Variants in RPS21 observed in about 807,000 individuals in gnomAD.
The protein encoded by RPS21 is small ribosomal subunit protein eS21.
RPS21 carries 6 observed loss-of-function variants against 14.5 expected under a neutral mutation model. The observed-to-expected ratio is 0.41, with a 90% CI of 0.23 to 0.82. The LOEUF (loss-of-function observed/expected upper bound fraction) is 0.82, where lower values mean the gene tolerates loss of function less well. Among genes scored for constraint, RPS21 ranks in the 40% least tolerant of loss-of-function variants. The probability of loss-of-function intolerance (pLI) is 0.31; values close to 1 mark genes in which losing one functional copy is unlikely to be tolerated. For missense variants in RPS21, 85 were observed against 115.0 expected (o/e 0.74, Z 1.19); for synonymous variants, 61 against 42.6 (o/e 1.43, Z -1.69).
At position 62,387,138 on chromosome 20, in the gene RPS21, TGTGGCGCGCGGCGCGGGCTTC is replaced by T. The variant is rs1987756008; in HGVS notation, c.-19+4_-19+24del. On this transcript the variant is annotated splice_donor_5th_base_variant and intron_variant, in intron 1 of 5. Transcript: ENST00000343986. Reference sequence around the variant, plus strand: ...TCGCGCGCGGTGTGGTGGCAGCAGGTGTGGCGCGCGGCGCGGGCTTCGGGCTCAGGGCTGGGGCTGGGGCGG... The same window carrying T: ...TCGCGCGCGGTGTGGTGGCAGCAGGTGGGCTCAGGGCTGGGGCTGGGGCGG... The T allele has an allele frequency of 2.0e-6, 1 of 492,590 alleles. No homozygotes were observed. The highest frequency in any genetic ancestry group is 3.0e-5 in the South Asian group (1 of 33,638). 30.5% of individuals were successfully genotyped at this position (492,590 alleles called of 1,614,324 possible).
chr20:62,387,863 G>C lies in RPS21; in HGVS notation c.135G>C (p.Arg45Ser). ...NVAEVDKVTG[R>S]FNGQFKTYAI... ...TCTAGGTTGACAAGGTCACAGGCAG[G>C]TTTAATGGCCAGTTTAAAACTTATG... Residue 45 changes from arginine to serine, a missense_variant, in exon 4 of 6, where the codon AGG (arginine) becomes AGC (serine). Physicochemically the swap from Arg to Ser is moderately radical, Grantham distance 110. Coordinates refer to ENST00000343986, the MANE Select transcript of RPS21 (RefSeq NM_001024.4). The C allele has an allele frequency of 6.2e-7, 1 of 1,614,164 alleles. No individual in the cohort carries two copies. The highest frequency in any genetic ancestry group is 8.5e-7 in the Non-Finnish European group (1 of 1,180,036).
rs1164714409 is a variant in RPS21, at chr20:62,387,323, G to A, written c.-16G>A. The A allele has an allele frequency of 3.1e-6, 5 of 1,589,908 alleles. No homozygotes were observed. The highest frequency in any genetic ancestry group is 2.3e-5 in the South Asian group (2 of 87,588). On this transcript the variant is annotated splice_region_variant and 5_prime_UTR_variant, in exon 2 of 6. Coordinates refer to ENST00000343986, the MANE Select transcript of RPS21 (RefSeq NM_001024.4). Reference sequence around the variant, plus strand: ...GGCGCCGCGCGGTGACTCCCCAGGCGCAGCCCAGCCTCGAAATGCAGAACG... The same window carrying A: ...GGCGCCGCGCGGTGACTCCCCAGGCACAGCCCAGCCTCGAAATGCAGAACG...
rs1002849670 is a variant in RPS21, at chr20:62,387,135, A to G, written c.-20A>G. 3.3e-5 allele frequency: 16 copies of G among 485,108 alleles called. No individual in the cohort carries two copies. Among genetic ancestry groups the G allele is most frequent in the African/African-American group, 2.7e-4 (13 of 48,236 alleles). 30.1% of individuals were successfully genotyped at this position (485,108 alleles called of 1,614,324 possible). A position where few individuals can be genotyped will look rare whatever the true frequency, so the allele number is the denominator to read the frequency against. On this transcript the variant is annotated splice_region_variant and 5_prime_UTR_variant, in exon 1 of 6. Coordinates refer to ENST00000343986, the MANE Select transcript of RPS21 (RefSeq NM_001024.4). Reference sequence around the variant, plus strand: ...CTCTCGCGCGCGGTGTGGTGGCAGCAGGTGTGGCGCGCGGCGCGGGCTTCG... The same window carrying G: ...CTCTCGCGCGCGGTGTGGTGGCAGCGGGTGTGGCGCGCGGCGCGGGCTTCG...
At chr20:62,387,753 C>G (rs774298600) in intron 3 of RPS21, 79 bp downstream of exon 3, 5 of 1,613,910 alleles carry the variant, frequency 3.1e-6, no homozygotes, top group Non-Finnish European at 4.2e-6. Flanking sequence ...GGAGGAGCCC[C>G]TGGGGTGAAG....
chr20:62,387,975 T>A (rs751938827), intron 4 of RPS21, 61 bp downstream of exon 4: 1 of 1,614,140 alleles, frequency 6.2e-7, no homozygotes, highest in Non-Finnish European at 8.5e-7. Context: ...ACCGTGCGCA[T>A]TGGAGTGTGT....
Position 62,388,515 on chromosome 20 carries a change from A to C in RPS21, c.*49A>C. The C allele has an allele frequency of 6.3e-7, 1 of 1,596,782 alleles. No homozygotes were observed. Among genetic ancestry groups the C allele is most frequent in the Non-Finnish European group, 8.6e-7 (1 of 1,164,472 alleles). On this transcript the variant is annotated 3_prime_UTR_variant, in exon 6 of 6. Coordinates refer to ENST00000343986, the MANE Select transcript of RPS21 (RefSeq NM_001024.4). Reference sequence around the variant, plus strand: ...ATATTTGTCATAAATAAATAATGAAAACCTACCTGTGCAGGTTCATTCTGT... The same window carrying C: ...ATATTTGTCATAAATAAATAATGAACACCTACCTGTGCAGGTTCATTCTGT...
rs948601435 is a variant in RPS21, at chr20:62,387,491, C to T, written c.50+103C>T. The T allele has an allele frequency of 4.0e-5, 63 of 1,587,366 alleles. 1 individual carries two copies. In the Middle Eastern group the frequency reaches 5.0e-4, roughly 13 times the overall value. On this transcript the variant is annotated intron_variant, in intron 2 of 5. Transcript: ENST00000343986. ...CCCTCCCGTCCTTACCTCGTCACGT[C>T]CCTAACTTGTCCTGCCCCCGACGTT...
chr20:62,388,161 G>C (rs781731536), intron 4 of RPS21, 148 bp from the exon 5 acceptor site: 5 of 1,474,690 alleles, frequency 3.4e-6, no homozygotes, highest in Non-Finnish European at 4.5e-6. Context: ...CAGGCTGCAG[G>C]CTGCCCCGGG....
At chr20:62,387,811 G>A in intron 3 of RPS21, 32 bp from the exon 4 acceptor site, 8 of 1,613,900 alleles carry the variant, frequency 5.0e-6, no homozygotes, top group Non-Finnish European at 6.8e-6. Flanking sequence ...CAAACCTGGG[G>A]GAGTGGTTTG....
intron 4 of RPS21, 191 bp from the exon 5 acceptor site, chr20:62,388,118 G>A: frequency 6.6e-7 from 1 of 1,509,246 alleles, no homozygotes; most frequent in Non-Finnish European, 8.9e-7. Context: ...CCTCTCACTA[G>A]GAGGTGCCCC....
chr20:62,387,577 A>C, intron 2 of RPS21, 34 bp from the exon 3 acceptor site: 2 of 1,601,732 alleles, frequency 1.2e-6, no homozygotes, highest in Non-Finnish European at 8.5e-7. Flanking sequence ...TTACCGCCCA[A>C]GTCCCCTCTG....
At position 62,387,595 on chromosome 20, in the gene RPS21, C is replaced by A; in HGVS notation, c.51-16C>A. The A allele has an allele frequency of 6.2e-7, 1 of 1,608,382 alleles. No homozygotes were observed. On this transcript the variant is annotated splice_polypyrimidine_tract_variant and intron_variant, in intron 2 of 5. Coordinates refer to ENST00000343986, the MANE Select transcript of RPS21 (RefSeq NM_001024.4). Reference sequence around the variant, plus strand: ...CCGCCCAAGTCCCCTCTGCTCACTGCGCCCTTTCTCCACAGCTCCGCTAGC... The same window carrying A: ...CCGCCCAAGTCCCCTCTGCTCACTGAGCCCTTTCTCCACAGCTCCGCTAGC...
chr20:62,388,036 G>A (rs941310132), intron 4 of RPS21, 122 bp downstream of exon 4: 8 of 1,579,556 alleles, frequency 5.1e-6, no homozygotes, highest in Non-Finnish European at 6.9e-6. Flanking sequence ...CAGCTGGACT[G>A]GGCTGGCCGC....
chr20:62,387,408 C>T lies in RPS21; in HGVS notation c.50+20C>T, dbSNP rs1254858403. 1.9e-6 allele frequency: 3 copies of T among 1,608,182 alleles called. No individual in the cohort carries two copies. Among genetic ancestry groups the T allele is most frequent in the Admixed American group, 1.7e-5 (1 of 59,236 alleles). The stretch of plus-strand genomic sequence containing the variant: ...GAAATGGTAAGCGCCCCCCACATGC[C>T]TCTCTTCCGTCCTTACCTAACCACC... On this transcript the variant is annotated intron_variant, in intron 2 of 5. Coordinates refer to ENST00000343986, the MANE Select transcript of RPS21 (RefSeq NM_001024.4).
Position 62,387,131 on chromosome 20 carries a change from C to G in RPS21, c.-24C>G, listed in dbSNP as rs1713131913. 6.2e-5 allele frequency: 30 copies of G among 487,326 alleles called. No homozygotes were observed. In the East Asian group the frequency reaches 8.9e-4, roughly 15 times the overall value. 30.2% of individuals were successfully genotyped at this position (487,326 alleles called of 1,614,324 possible). A position where few individuals can be genotyped will look rare whatever the true frequency, so the allele number is the denominator to read the frequency against. On this transcript the variant is annotated 5_prime_UTR_variant, in exon 1 of 6. Coordinates refer to ENST00000343986, the MANE Select transcript of RPS21 (RefSeq NM_001024.4). ...TTCTCTCTCGCGCGCGGTGTGGTGG[C>G]AGCAGGTGTGGCGCGCGGCGCGGGC...
chr20:62,387,224 TG>T, intron 1 of RPS21, 88 bp downstream of exon 1: 3 of 838,162 alleles, frequency 3.6e-6, no homozygotes, highest in Non-Finnish European at 5.5e-6. Context: ...TGCGGGGTGC[TG>T]GGTGCGGCTG....
intron 4 of RPS21, 53 bp downstream of exon 4, chr20:62,387,967 C>A: frequency 6.2e-7 from 1 of 1,614,138 alleles, no homozygotes; most frequent in Non-Finnish European, 8.5e-7. Context: ...TGGACTTTAC[C>A]GTGCGCATTG....
chr20:62,388,097 A>G (rs1987808274), intron 4 of RPS21, 183 bp downstream of exon 4: 3 of 1,531,496 alleles, frequency 2.0e-6, no homozygotes, highest in South Asian at 2.4e-5. Context: ...ACACTCAGGC[A>G]GCAGACTCTG....
intron 4 of RPS21, 167 bp downstream of exon 4, chr20:62,388,081 G>C (rs1347745164): frequency 1.3e-6 from 2 of 1,546,322 alleles, no homozygotes; most frequent in Non-Finnish European, 8.7e-7. Flanking sequence ...GGGGTGCTCT[G>C]AGAAGACACT....
Sources: allele counts gnomAD v4.1 joint callset, GRCh38; gene constraint gnomAD v4.1.1; transcripts MANE v1.5; gene names NCBI Gene and HGNC (gene_info 2026-07-23, HGNC 2026-07-21).